Variants in B3GALT1 observed in about 807,000 individuals in gnomAD.
B3GALT1 encodes the protein UDP-Gal:betaGlcNAc beta 1,3-galactosyltransferase, polypeptide 1.
B3GALT1 carries 10 observed loss-of-function variants against 23.2 expected under a neutral mutation model. The ratio of observed to expected loss-of-function variants is 0.43; its 90% CI spans 0.27 to 0.73. The LOEUF (loss-of-function observed/expected upper bound fraction) is 0.73. Ranked by LOEUF, B3GALT1 falls within the 30% of genes least tolerant of loss-of-function variation. The pLI is 0.21. For missense variants in B3GALT1, 299 were observed against 405.4 expected (o/e 0.74, Z 2.25); for synonymous variants, 156 against 141.5 (o/e 1.10, Z -0.73).
intron 3 of B3GALT1, among the ~76,000 whole-genome samples, chr2:167,811,842 A>T (rs1003771711): frequency 2.0e-5 from 3 of 152,128 alleles, no homozygotes; most frequent in African/African-American, 7.2e-5. Context: ...CAGGAGGAGG[A>T]TTGTTTTCCC....
In B3GALT1 at chr2:167,521,985, T is replaced by TATATATATATATATATACAC. The variant is rs1558891610; in HGVS notation, c.-410+31725_-410+31726insCACATATATATATATATATA. On this transcript the variant is annotated intron_variant, in intron 2 of 4. Transcript: ENST00000392690. ...CAACATATATGTGTGTGTGTGTGTG[T>TATATATATATATATATACAC]ATATATATATATATATATATACACA... Among the ~76,000 whole-genome samples the TATATATATATATATATACAC allele has an allele frequency of 1.7e-4, 18 of 103,356 alleles. No individual in the cohort carries two copies. In the South Asian group the frequency reaches 4.3e-3, roughly 25 times the overall value. The allele number at this position is 103,356 out of a possible 152,430, so 67.8% of individuals were successfully genotyped here.
At chr2:167,531,241 GT>G (rs1310937507) in intron 2 of B3GALT1, among the ~76,000 whole-genome samples, 2 of 152,124 alleles carry the variant, frequency 1.3e-5, no homozygotes, top group African/African-American at 4.8e-5. Context: ...TGTTTGTCTG[GT>G]GATGGGCATA....
chr2:167,426,590 G>A (rs898780903), intron 1 of B3GALT1, among the ~76,000 whole-genome samples: 2 of 152,232 alleles, frequency 1.3e-5, no homozygotes, highest in Middle Eastern at 3.4e-3. Context: ...GTGAAGAAGT[G>A]TCTGTTGTAT....
intron 2 of B3GALT1, among the ~76,000 whole-genome samples, chr2:167,548,585 G>A (rs1683683786): frequency 6.6e-6 from 1 of 152,020 alleles, no homozygotes; most frequent in Admixed American, 6.6e-5. Flanking sequence ...GGACAATGAG[G>A]CAACAGTGAG....
At chr2:167,375,142 C>T (rs1432512558) in intron 1 of B3GALT1, among the ~76,000 whole-genome samples, 3 of 151,860 alleles carry the variant, frequency 2.0e-5, no homozygotes, top group Non-Finnish European at 4.4e-5. Context: ...AGATTAGATG[C>T]CTGGAGGTGT....
At chr2:167,479,561 C>T (rs1699533157) in intron 1 of B3GALT1, among the ~76,000 whole-genome samples, 1 of 152,092 alleles carries the variant, frequency 6.6e-6, no homozygotes, top group African/African-American at 2.4e-5. Context: ...ACATAACTTT[C>T]ATATTTCTGC....
chr2:167,659,463 T>C (rs1224907237), intron 3 of B3GALT1, among the ~76,000 whole-genome samples: 1 of 152,016 alleles, frequency 6.6e-6, no homozygotes, highest in Non-Finnish European at 1.5e-5. Flanking sequence ...CAAAATGAAA[T>C]TTGTAGAATA....
chr2:167,355,015 CT>C (rs1697379044), intron 1 of B3GALT1, among the ~76,000 whole-genome samples: 1 of 152,164 alleles, frequency 6.6e-6, no homozygotes, highest in Admixed American at 6.5e-5. Context: ...TATCTTAATT[CT>C]TTTCATCCTT....
intron 3 of B3GALT1, among the ~76,000 whole-genome samples, chr2:167,662,377 G>C (rs749685098): frequency 2.0e-5 from 3 of 152,016 alleles, no homozygotes; most frequent in Non-Finnish European, 4.4e-5. Flanking sequence ...TGAGAGGATG[G>C]TATAGAGATG....
rs1447858482 is a variant in B3GALT1 at position 167,649,203 on chromosome 2, A to AT, written c.-352+2237_-352+2238insT. Among the ~76,000 whole-genome samples, 19 of 152,176 alleles carry AT rather than the reference A, an allele frequency of 1.2e-4. No homozygotes were observed. The South Asian group carries it at 2.3e-3, about 18-fold the overall frequency. On this transcript the variant is annotated intron_variant, in intron 3 of 4. Transcript: ENST00000392690. Reference sequence around the variant, plus strand: ...ACTTTTTAATATTAGTCAATTTTTCAAAGATAAACCTTGGCATTTTTCATT... The same window carrying AT: ...ACTTTTTAATATTAGTCAATTTTTCATAAGATAAACCTTGGCATTTTTCATT...
intron 4 of B3GALT1, among the ~76,000 whole-genome samples, chr2:167,860,912 TTTCACACTC>T (rs1421294568): frequency 6.6e-6 from 1 of 152,140 alleles, no homozygotes; most frequent in African/African-American, 2.4e-5. Flanking sequence ...TTGCATCCCT[TTTCACACTC>T]GTGCTTCATT....
chr2:167,798,042 A>G (rs1688572247), intron 3 of B3GALT1, among the ~76,000 whole-genome samples: 2 of 152,086 alleles, frequency 1.3e-5, no homozygotes, highest in Admixed American at 1.3e-4. Context: ...CTAATGATCT[A>G]TGACATTGAG....
intron 3 of B3GALT1, among the ~76,000 whole-genome samples, chr2:167,794,975 T>C (rs1399382350): frequency 2.0e-5 from 3 of 152,156 alleles, no homozygotes; most frequent in Non-Finnish European, 4.4e-5. Flanking sequence ...GTAAAATACA[T>C]TTCATAGCCT....
intron 2 of B3GALT1, among the ~76,000 whole-genome samples, chr2:167,548,064 C>T (rs1683674274): frequency 6.6e-6 from 1 of 152,136 alleles, no homozygotes; most frequent in Non-Finnish European, 1.5e-5. Context: ...AGTCACTGGG[C>T]CCAGCTTCAC....
intron 2 of B3GALT1, among the ~76,000 whole-genome samples, chr2:167,626,064 A>C (rs1640161361): frequency 6.7e-6 from 1 of 149,618 alleles, no homozygotes; most frequent in African/African-American, 2.5e-5. Flanking sequence ...GCTCAACTGA[A>C]AGTACAGCAA....
rs566295049 is a variant in B3GALT1, at chr2:167,657,135, G to A, written c.-352+10169G>A. Among the ~76,000 whole-genome samples the A allele has an allele frequency of 8.5e-5, 13 of 152,308 alleles. No individual in the cohort carries two copies. In the East Asian group the frequency reaches 1.9e-3, roughly 23 times the overall value. On this transcript the variant is annotated intron_variant, in intron 3 of 4. Transcript: ENST00000392690. ...GTGTGCTTACTGGGGAGTGCAGAAA[G>A]ATGTATCCAGTTTGAGAGCGGTTCC...
At chr2:167,299,804 GTCTCTC>G (rs751393976) in intron 1 of B3GALT1, among the ~76,000 whole-genome samples, 17 of 149,680 alleles carry the variant, frequency 1.1e-4, no homozygotes, top group Non-Finnish European at 2.5e-4. Context: ...TTCTCTCTTG[GTCTCTC>G]TCTCTCTCCA....
intron 1 of B3GALT1, among the ~76,000 whole-genome samples, chr2:167,398,531 TCTTA>T (rs1039483839): frequency 2.6e-5 from 4 of 152,102 alleles, no homozygotes; most frequent in Admixed American, 2.0e-4. Flanking sequence ...CATTCATGAC[TCTTA>T]CTTAGATTTA....
intron 2 of B3GALT1, among the ~76,000 whole-genome samples, chr2:167,552,099 G>T (rs1242041905): frequency 6.6e-6 from 1 of 152,152 alleles, no homozygotes; most frequent in Admixed American, 6.6e-5. Flanking sequence ...AGTTTTGCTT[G>T]CAATGGAAAA....
Sources: allele counts gnomAD v4.1 joint callset (sites outside exome capture counted in the v4.1 genomes callset), GRCh38; gene constraint gnomAD v4.1.1; transcripts MANE v1.5; gene names NCBI Gene and HGNC (gene_info 2026-07-23, HGNC 2026-07-21).